Variants in TMTC3 observed in about 807,000 individuals in gnomAD.
TMTC3 encodes the protein transmembrane O-mannosyltransferase targeting cadherins 3.
Under a neutral mutation model 92.2 loss-of-function variants are expected in TMTC3, and 52 were observed. The observed-to-expected ratio is 0.56, with a 90% CI of 0.45 to 0.71. The LOEUF (loss-of-function observed/expected upper bound fraction) is 0.71. Ranked by LOEUF, TMTC3 falls within the 30% of genes least tolerant of loss-of-function variation. The pLI is 0.00. For synonymous variants in TMTC3, 339 were observed against 363.3 expected (o/e 0.93, Z 0.76); for missense variants, 896 against 1,057.1 (o/e 0.85, Z 2.11).
chr12:88,186,261 C>T (rs1252720776), intron 10 of TMTC3, among the ~76,000 whole-genome samples: 6 of 152,126 alleles, frequency 3.9e-5, no homozygotes, highest in Non-Finnish European at 8.8e-5. Flanking sequence ...TAAATGGTGA[C>T]TGTAAACCTG....
chr12:88,151,342 G>A (rs1314580719), intron 2 of TMTC3, among the ~76,000 whole-genome samples: 1 of 152,104 alleles, frequency 6.6e-6, no homozygotes, highest in African/African-American at 2.4e-5. Context: ...CCTATATTGA[G>A]ATTCACATTA....
At chr12:88,176,345 A>T in intron 10 of TMTC3, 26 bp downstream of exon 10, 3 of 1,499,988 alleles carry the variant, frequency 2.0e-6, no homozygotes, top group Non-Finnish European at 2.7e-6. Flanking sequence ...TAATAAAATC[A>T]TGAATTTTAT....
At chr12:88,174,848 A>G in intron 9 of TMTC3, 121 bp downstream of exon 9, 1 of 1,230,436 alleles carries the variant, frequency 8.1e-7, no homozygotes, top group Non-Finnish European at 1.1e-6. Flanking sequence ...GTACTTTACT[A>G]AAAGATTAAT....
In TMTC3 at chr12:88,187,167, TAA is replaced by T. The variant is rs71448730; in HGVS notation, c.1433-1662_1433-1661del. Among the ~76,000 whole-genome samples the T allele has an allele frequency of 1.1e-3, 137 of 126,288 alleles. 1 individual carries two copies. Among genetic ancestry groups the T allele is most frequent in the South Asian group, 6.4e-3 (26 of 4,076 alleles). The allele number at this position is 126,288 out of a possible 152,430, so 82.8% of individuals were successfully genotyped here. ...AAACATATGGTATGGATTTATCTGG[TAA>T]AAAAAAAAAAAAAGATATAAAAGCA... On this transcript the variant is annotated intron_variant, in intron 10 of 13. Coordinates refer to ENST00000266712, the MANE Select transcript of TMTC3 (RefSeq NM_181783.4).
In TMTC3 at chr12:88,194,922, A is replaced by G. The variant is rs1179781103; in HGVS notation, c.2018A>G (p.Asn673Ser). Residue 673 changes from asparagine (N) to serine (S), a missense_variant, in exon 14 of 14, where the codon AAT (asparagine) becomes AGT (serine). Coordinates refer to ENST00000266712, the MANE Select transcript of TMTC3 (RefSeq NM_181783.4). ...EEPLDANGYFNLGMLAMDDKK... is the reference protein window; with the variant it reads ...EEPLDANGYFSLGMLAMDDKK... The stretch of plus-strand genomic sequence containing the variant: ...CCACTAGATGCTAATGGGTATTTCA[A>G]TTTGGGAATGCTTGCCATGGATGAC... The G allele has an allele frequency of 1.2e-6, 2 of 1,613,788 alleles. No homozygotes were observed. The highest frequency in any genetic ancestry group is 8.5e-7 in the Non-Finnish European group (1 of 1,179,884).
chr12:88,167,297 A>C (rs2041155732), intron 7 of TMTC3, among the ~76,000 whole-genome samples: 1 of 152,076 alleles, frequency 6.6e-6, no homozygotes, highest in African/African-American at 2.4e-5. Flanking sequence ...CCAGCCACTC[A>C]GGAGGCGGAG....
intron 4 of TMTC3, among the ~76,000 whole-genome samples, chr12:88,159,322 A>G (rs1237258221): frequency 6.6e-6 from 1 of 152,080 alleles, no homozygotes; most frequent in African/African-American, 2.4e-5. Flanking sequence ...TCTATTGCAA[A>G]TTTTTTGAAG....
In TMTC3 at chr12:88,192,028, C is replaced by CTTTT. The variant is rs112229647; in HGVS notation, c.1707-567_1707-564dup. Among the ~76,000 whole-genome samples the CTTTT allele has an allele frequency of 3.3e-5, 4 of 123,032 alleles. 1 individual carries two copies. The highest frequency in any genetic ancestry group is 1.2e-4 in the African/African-American group (4 of 33,268). 80.7% of individuals were successfully genotyped at this position (123,032 alleles called of 152,430 possible). A position where few individuals can be genotyped will look rare whatever the true frequency, so the allele number is the denominator to read the frequency against. On this transcript the variant is annotated intron_variant, in intron 12 of 13. Transcript: ENST00000266712. ...CCAGCATTTTTCTTTTTTTTTTTTT[C>CTTTT]TTTTTTTTTTTTAAGAATGGTCGTA...
chr12:88,182,857 AAC>A (rs1433767040), intron 10 of TMTC3, among the ~76,000 whole-genome samples: 3 of 152,182 alleles, frequency 2.0e-5, no homozygotes, highest in African/African-American at 7.2e-5. Flanking sequence ...TGGTATTGTA[AAC>A]ACAAATTTTT....
At chr12:88,162,088 T>C (rs2041086599) in intron 6 of TMTC3, among the ~76,000 whole-genome samples, 1 of 152,150 alleles carries the variant, frequency 6.6e-6, no homozygotes, top group Admixed American at 6.5e-5. Context: ...AATATCAGGT[T>C]TTGAAAGATA....
At chr12:88,154,862 A>G (rs780170087) in intron 4 of TMTC3, among the ~76,000 whole-genome samples, 1 of 152,182 alleles carries the variant, frequency 6.6e-6, no homozygotes, top group African/African-American at 2.4e-5. Flanking sequence ...AGTGCTTCGA[A>G]TACATTAGCT....
chr12:88,173,703 A>G (rs918505436), intron 8 of TMTC3, among the ~76,000 whole-genome samples: 3 of 152,070 alleles, frequency 2.0e-5, no homozygotes, highest in African/African-American at 7.2e-5. Flanking sequence ...TTTTACCCAT[A>G]TATCCATTTA....
At position 88,197,095 on chromosome 12, in the gene TMTC3, CTATA is replaced by C. The variant is rs1398093480; in HGVS notation, c.*1450_*1453del. On this transcript the variant is annotated 3_prime_UTR_variant, in exon 14 of 14. Coordinates refer to ENST00000266712, the MANE Select transcript of TMTC3 (RefSeq NM_181783.4). The stretch of plus-strand genomic sequence containing the variant: ...TTTCTAATTATATAGTATTTCAAAA[CTATA>C]TATTTTTTAGTTCCTTTGAGATAAC... The C allele has an allele frequency of 6.6e-6, 1 of 151,842 alleles. No homozygotes were observed. Among genetic ancestry groups the C allele is most frequent in the African/African-American group, 2.4e-5 (1 of 41,308 alleles). The allele number at this position is 151,842 out of a possible 1,614,324, so 9.4% of individuals were successfully genotyped here. A position where few individuals can be genotyped will look rare whatever the true frequency, so the allele number is the denominator to read the frequency against.
chr12:88,157,407 CCTTTTGTAA>C (rs1369462035), intron 4 of TMTC3, among the ~76,000 whole-genome samples: 1 of 151,530 alleles, frequency 6.6e-6, no homozygotes, highest in East Asian at 1.9e-4. Flanking sequence ...GTCCCATACC[CCTTTTGTAA>C]ATATGGTGAT....
intron 7 of TMTC3, among the ~76,000 whole-genome samples, chr12:88,168,101 A>G (rs2041166277): frequency 6.6e-6 from 1 of 152,216 alleles, no homozygotes; most frequent in East Asian, 1.9e-4. Flanking sequence ...AGAAACTCCT[A>G]TATTTAGATG....
chr12:88,151,314 CATT>C (rs1471546247), intron 2 of TMTC3, among the ~76,000 whole-genome samples: 1 of 152,146 alleles, frequency 6.6e-6, no homozygotes. Flanking sequence ...TATTTTATCT[CATT>C]ATGATTTTGC....
chr12:88,178,756 G>T (rs1194976291), intron 10 of TMTC3, among the ~76,000 whole-genome samples: 1 of 152,166 alleles, frequency 6.6e-6, no homozygotes, highest in East Asian at 1.9e-4. Flanking sequence ...TAGAGAAGCA[G>T]CCATCTTTGA....
At chr12:88,156,833 A>G (rs959444029) in intron 4 of TMTC3, among the ~76,000 whole-genome samples, 2 of 147,802 alleles carry the variant, frequency 1.4e-5, no homozygotes, top group East Asian at 2.0e-4. Flanking sequence ...TTTTTTACAA[A>G]AAGTGTCTTA....
intron 11 of TMTC3, 131 bp downstream of exon 11, chr12:88,189,077 T>C (rs1386005687): frequency 6.6e-6 from 4 of 601,742 alleles, no homozygotes; most frequent in Non-Finnish European, 1.1e-5. Context: ...AAGAATTACA[T>C]TTTTCTAGCT....
Sources: gnomAD v4.1 joint callset for allele counts (sites outside exome capture counted in the v4.1 genomes callset) on GRCh38, gnomAD v4.1.1 for gene constraint, MANE v1.5 for transcripts, NCBI Gene and HGNC (gene_info 2026-07-23, HGNC 2026-07-21) for gene names.